SLBP: variants seen among roughly 807,000 people sequenced by gnomAD.
The protein encoded by SLBP is histone RNA hairpin-binding protein.
Under a neutral mutation model 39.2 loss-of-function variants are expected in SLBP, and 29 were observed. The observed-to-expected ratio is 0.74, with a 90% CI of 0.55 to 1.01. The LOEUF is 1.01. Ranked by LOEUF, SLBP falls within the 50% of genes least tolerant of loss-of-function variation. The pLI is 0.00. For missense variants in SLBP, 390 were observed against 350.2 expected (o/e 1.11, Z -0.91); for synonymous variants, 129 against 118.7 (o/e 1.09, Z -0.57).
At chr4:1,706,223 T>G (rs1390969213) in intron 2 of SLBP, among the ~76,000 whole-genome samples, 1 of 151,566 alleles carries the variant, frequency 6.6e-6, no homozygotes, top group Non-Finnish European at 1.5e-5. Context: ...GAGACGGAGG[T>G]TGCAGTGAGC....
In SLBP at chr4:1,693,600, G is replaced by C; in HGVS notation, c.810C>G (p.Ser270Arg). Residue 270 changes from serine to arginine, a missense_variant, in exon 8 of 8, where the codon AGC (serine) becomes AGG (arginine). Coordinates refer to ENST00000489418, the MANE Select transcript of SLBP (RefSeq NM_006527.4). ...CTTCCTGGCCGCCAGGGGGCAGTTA[G>C]CTCATGGCTGAGAAGTCTCTCAAGG... ...TEPLRDFSAM[S>R] 1 of 1,600,982 alleles carries C rather than the reference G, an allele frequency of 6.2e-7. No homozygotes were observed. The highest frequency in any genetic ancestry group is 8.6e-7 in the Non-Finnish European group (1 of 1,167,988).
At chr4:1,709,940 T>G (rs557433859) in intron 2 of SLBP, among the ~76,000 whole-genome samples, 2 of 152,082 alleles carry the variant, frequency 1.3e-5, no homozygotes, top group African/African-American at 4.8e-5. Context: ...CAATAAATAG[T>G]GTGGAGACCG....
At chr4:1,708,392 T>A (rs1391086053) in intron 2 of SLBP, among the ~76,000 whole-genome samples, 1 of 152,240 alleles carries the variant, frequency 6.6e-6, no homozygotes, top group African/African-American at 2.4e-5. Context: ...TCCCTTACAG[T>A]CACACAACTC....
At chr4:1,700,702 G>A (rs937525821) in intron 3 of SLBP, among the ~76,000 whole-genome samples, 2 of 152,040 alleles carry the variant, frequency 1.3e-5, no homozygotes, top group African/African-American at 4.8e-5. Context: ...TAGGACTCCA[G>A]GCAAGTGCCG....
intron 2 of SLBP, among the ~76,000 whole-genome samples, chr4:1,704,177 CAT>C (rs1238115082): frequency 3.3e-5 from 5 of 152,162 alleles, no homozygotes; most frequent in Non-Finnish European, 5.9e-5. Context: ...CCAGGGCTAT[CAT>C]ATGGCTGAAA....
At position 1,693,748 on chromosome 4, in the gene SLBP, T is replaced by C. The variant is rs758205563; in HGVS notation, c.697-35A>G. On this transcript the variant is annotated intron_variant, in intron 7 of 7. Coordinates refer to ENST00000489418, the MANE Select transcript of SLBP (RefSeq NM_006527.4). ...AGAAGCATGGCTCGGTTGACATTCATCTCACCCTGAAAACAGGGGCCCCTT... is the reference window on the plus strand; with the variant it reads ...AGAAGCATGGCTCGGTTGACATTCACCTCACCCTGAAAACAGGGGCCCCTT... 15 of 1,413,404 alleles carry C rather than the reference T, an allele frequency of 1.1e-5. No individual in the cohort carries two copies. In the East Asian group the frequency reaches 3.4e-4, roughly 32 times the overall value. 87.6% of individuals were successfully genotyped at this position (1,413,404 alleles called of 1,614,324 possible).
At position 1,694,804 on chromosome 4, in the gene SLBP, G is replaced by A. The variant is rs144058279; in HGVS notation, c.666C>T (p.Ser222=). The A allele has an allele frequency of 2.4e-5, 39 of 1,613,642 alleles. No individual in the cohort carries two copies. Among genetic ancestry groups the A allele is most frequent in the Admixed American group, 8.3e-5 (5 of 59,998 alleles). ...PVDLESAESS[S]EPQTSSQDDF... ...CATCCTGAGAGCTGGTCTGGGGCTCGGAGCTGCTTTCTGCAGATTCAAGGT... is the reference window on the plus strand; with the variant it reads ...CATCCTGAGAGCTGGTCTGGGGCTCAGAGCTGCTTTCTGCAGATTCAAGGT... The change falls in exon 7 of 8, where the codon TCC becomes TCT. Residue 222 remains serine (S), a synonymous_variant. Coordinates refer to ENST00000489418, the MANE Select transcript of SLBP (RefSeq NM_006527.4).
In SLBP at chr4:1,700,127, G is replaced by A. The variant is rs765476665; in HGVS notation, c.282-57C>T. 8.5e-6 allele frequency: 11 copies of A among 1,295,568 alleles called. No homozygotes were observed. In the East Asian group the frequency reaches 2.1e-4, roughly 25 times the overall value. The allele number at this position is 1,295,568 out of a possible 1,614,324, so 80.3% of individuals were successfully genotyped here. ...AAAAGATATAAAAATAAAGCAGCCA[G>A]GTCTGAGGAAGCTCCACCCTGATGC... On this transcript the variant is annotated intron_variant, in intron 3 of 7. Transcript: ENST00000489418.
chr4:1,704,503 CT>C (rs1716446026), intron 2 of SLBP, among the ~76,000 whole-genome samples: 1 of 152,104 alleles, frequency 6.6e-6, no homozygotes, highest in South Asian at 2.1e-4. Flanking sequence ...ACAATATTGC[CT>C]TTCATAAAAC....
chr4:1,697,829 G>A (rs1470453262), intron 5 of SLBP, among the ~76,000 whole-genome samples: 2 of 152,104 alleles, frequency 1.3e-5, no homozygotes, highest in Admixed American at 6.5e-5. Context: ...GGACTAGAGT[G>A]AAACTCGGTC....
chr4:1,699,610 CAT>C lies in SLBP; in HGVS notation c.431_432del (p.Tyr144TrpfsTer12). 1 of 1,613,896 alleles carries C rather than the reference CAT, an allele frequency of 6.2e-7. No individual in the cohort carries two copies. The highest frequency in any genetic ancestry group is 8.5e-7 in the Non-Finnish European group (1 of 1,179,786). On this transcript the variant is annotated frameshift_variant, in exon 5 of 8. Coordinates refer to ENST00000489418, the MANE Select transcript of SLBP (RefSeq NM_006527.4). LOFTEE classifies it high-confidence loss of function. ...CGATCGTAGGCAATTGTGTTCTTCC[CAT>C]AGTTGATCTGCTTCTGTCTCCTCAT... is the stretch of plus-strand genomic sequence containing the variant. Reference protein sequence around the residue: ...VLMRRQKQINYGKNTIAYDRY... With the variant: ...VLMRRQKQINXGKNTIAYDRY...
At chr4:1,704,490 G>T (rs184981387) in intron 2 of SLBP, among the ~76,000 whole-genome samples, 1 of 152,256 alleles carries the variant, frequency 6.6e-6, no homozygotes, top group East Asian at 1.9e-4. Context: ...TGACAGGATT[G>T]TGACAATATT....
chr4:1,696,345 A>T lies in SLBP; in HGVS notation c.486T>A (p.Leu162=). Residue 162 remains leucine (L), a synonymous_variant, in exon 6 of 8, where the codon CTT becomes CTA. Transcript: ENST00000489418. ...TCTTGGGATGAATGCCAGGTTGTCG[A>T]AGGTGTCTACAGGAGAAAGATTATT... ...DRYIKEVPRH[L]RQPGIHPKTP... The T allele has an allele frequency of 1.3e-6, 2 of 1,580,532 alleles. No individual in the cohort carries two copies. The highest frequency in any genetic ancestry group is 2.7e-5 in the African/African-American group (2 of 73,162).
intron 3 of SLBP, among the ~76,000 whole-genome samples, chr4:1,700,521 C>T (rs1423018002): frequency 1.3e-5 from 2 of 150,970 alleles, no homozygotes; most frequent in Admixed American, 6.6e-5. Flanking sequence ...CGCAATCTGA[C>T]GTTGAAACCA....
chr4:1,706,056 G>A (rs191703442), intron 2 of SLBP, among the ~76,000 whole-genome samples: 187 of 152,282 alleles, frequency 1.2e-3, no homozygotes, highest in Middle Eastern at 3.4e-3. Context: ...ACGCCGAGGC[G>A]GGTGGATGAC....
chr4:1,700,246 A>C (rs1234530342), intron 3 of SLBP, among the ~76,000 whole-genome samples, 176 bp from the exon 4 acceptor site: 1 of 152,184 alleles, frequency 6.6e-6, no homozygotes, highest in African/African-American at 2.4e-5. Context: ...CACACAACAA[A>C]AATTTACATT....
intron 2 of SLBP, among the ~76,000 whole-genome samples, chr4:1,709,609 ACTT>A (rs1245913482): frequency 4.2e-5 from 6 of 144,530 alleles, no homozygotes; most frequent in East Asian, 2.0e-4. Context: ...CTGAACATCT[ACTT>A]CTTTTTTTTT....
intron 2 of SLBP, among the ~76,000 whole-genome samples, chr4:1,705,532 T>A (rs1371201525): frequency 6.6e-6 from 1 of 152,212 alleles, no homozygotes; most frequent in Non-Finnish European, 1.5e-5. Flanking sequence ...TCTTTAGTTC[T>A]GAATTATCTG....
At chr4:1,695,598 T>C (rs1163054458) in intron 6 of SLBP, among the ~76,000 whole-genome samples, 1 of 152,000 alleles carries the variant, frequency 6.6e-6, no homozygotes, top group Non-Finnish European at 1.5e-5. Context: ...AGGAATTACA[T>C]GGTGAAACCC....
Sources: gnomAD v4.1 joint callset for allele counts (sites outside exome capture counted in the v4.1 genomes callset) on GRCh38, gnomAD v4.1.1 for gene constraint, MANE v1.5 for transcripts, NCBI Gene and HGNC (gene_info 2026-07-23, HGNC 2026-07-21) for gene names.